The following MDN1 variants were observed in gnomAD, a reference collection of about 807,000 sequenced individuals.
The protein encoded by MDN1 is midasin AAA ATPase 1.
Under a neutral mutation model 669.2 loss-of-function variants are expected in MDN1, and 266 were observed. That is an observed-to-expected ratio of 0.40 (90% CI 0.36 to 0.44). The LOEUF (loss-of-function observed/expected upper bound fraction) is 0.44. Ranked by LOEUF, MDN1 falls within the 20% of genes least tolerant of loss-of-function variation. The pLI is 1.00. For synonymous variants in MDN1, 2,385 were observed against 2,457.1 expected (o/e 0.97, Z 0.87); for missense variants, 5,940 against 6,754.0 (o/e 0.88, Z 4.22).
rs186401779 is a variant in MDN1, at chr6:89,678,026, C to T, written c.12413-330G>A. On this transcript the variant is annotated intron_variant, in intron 75 of 101. Transcript: ENST00000369393. ...CGGTGGCTCACGCCTGTAATCCCAG[C>T]ACTTTGGGAGGCTGAGGCGGGTGGA... Among the ~76,000 whole-genome samples the T allele has an allele frequency of 2.6e-3, 390 of 152,354 alleles. 2 individuals are homozygous for T. Among genetic ancestry groups the T allele is most frequent in the African/African-American group, 8.5e-3 (353 of 41,580 alleles).
chr6:89,777,146 G>T (rs558794562), intron 11 of MDN1, among the ~76,000 whole-genome samples: 2 of 152,274 alleles, frequency 1.3e-5, no homozygotes, highest in South Asian at 4.1e-4. Flanking sequence ...AACTACCAGT[G>T]AGCCAACCAG....
chr6:89,733,222 G>GT (rs576483998), intron 33 of MDN1, among the ~76,000 whole-genome samples: 1 of 151,682 alleles, frequency 6.6e-6, no homozygotes, highest in Admixed American at 6.6e-5. Flanking sequence ...ATGCATTCAA[G>GT]TTTTTTTCTT....
intron 46 of MDN1, among the ~76,000 whole-genome samples, chr6:89,713,614 A>G (rs1814108614): frequency 6.6e-6 from 1 of 152,206 alleles, no homozygotes; most frequent in African/African-American, 2.4e-5. Flanking sequence ...AGTTGAGTGT[A>G]ACCTCATAAA....
intron 1 of MDN1, among the ~76,000 whole-genome samples, chr6:89,809,287 T>C (rs918304735): frequency 6.6e-6 from 1 of 151,004 alleles, no homozygotes; most frequent in Non-Finnish European, 1.5e-5. Context: ...CATAGCTTCA[T>C]ATATATTTAA....
intron 59 of MDN1, among the ~76,000 whole-genome samples, chr6:89,697,897 A>G (rs181905515): frequency 6.6e-5 from 10 of 151,880 alleles, no homozygotes; most frequent in Non-Finnish European, 1.5e-4. Context: ...AATTTTTTTT[A>G]AAAAAAAGCA....
intron 86 of MDN1, 105 bp from the exon 87 acceptor site, chr6:89,662,344 C>T: frequency 8.5e-7 from 1 of 1,174,508 alleles, no homozygotes; most frequent in South Asian, 1.6e-5. Flanking sequence ...TTGGACCTAT[C>T]CCATGGATGG....
In MDN1 at chr6:89,772,652, G is replaced by A; in HGVS notation, c.2004C>T (p.Ser668=). The A allele has an allele frequency of 6.2e-7, 1 of 1,614,132 alleles. No individual in the cohort carries two copies. The change falls in exon 14 of 102, where the codon AGC becomes AGT. Residue 668 remains serine (S), a synonymous_variant. Transcript: ENST00000369393. ...VLIEQLAVCV[S]KGEPVLLVGE... is the part of the protein sequence containing the mutation. ...CCACCAGCAACACAGGCTCCCCTTT[G>A]CTGACACACACTGCAAGCTGCTCGA...
At chr6:89,722,893 C>A in intron 40 of MDN1, 62 bp downstream of exon 40, 5 of 1,434,182 alleles carry the variant, frequency 3.5e-6, no homozygotes, top group Non-Finnish European at 4.8e-6. Context: ...TATGTCCTTT[C>A]TCACCCACAG....
Position 89,750,360 on chromosome 6 carries a change from T to G in MDN1, c.3400A>C (p.Lys1134Gln), listed in dbSNP as rs1816876493. 1 of 1,607,494 alleles carries G rather than the reference T, an allele frequency of 6.2e-7. No individual in the cohort carries two copies. ...AATGGAATCTTAACCCTACCTTCCT[T>G]AAAGACAAGCTTCCCTGAGGAGTCA... ...TSDSSGKLVF[K>Q]EGVLIDAMRK... is the part of the protein sequence containing the mutation. The change falls in exon 24 of 102, where the codon AAG becomes CAG. Residue 1134 changes from lysine to glutamine, a missense_variant. Physicochemically the swap from Lys to Gln is moderately conservative, Grantham distance 53. This residue lies in a region of MDN1 where 2,292 missense variants were observed against 2,638.3 expected (regional missense o/e 0.87). Transcript: ENST00000369393.
chr6:89,700,336 A>G, intron 56 of MDN1, 42 bp from the exon 57 acceptor site: 1 of 1,486,214 alleles, frequency 6.7e-7, no homozygotes, highest in Non-Finnish European at 9.4e-7. Context: ...ACAATGGTTA[A>G]GAGTATAGCC....
At chr6:89,735,807 G>T (rs1198769717) in intron 33 of MDN1, among the ~76,000 whole-genome samples, 1 of 152,074 alleles carries the variant, frequency 6.6e-6, no homozygotes, top group Non-Finnish European at 1.5e-5. Flanking sequence ...GGATCACAAG[G>T]TCAAGAGATC....
intron 1 of MDN1, among the ~76,000 whole-genome samples, chr6:89,805,549 C>A (rs943292861): frequency 2.6e-5 from 4 of 151,958 alleles, no homozygotes; most frequent in Non-Finnish European, 4.4e-5. Flanking sequence ...TGTCTCCCCC[C>A]ACAACAAAAA....
chr6:89,658,203 G>A lies in MDN1; in HGVS notation c.15183+6C>T, dbSNP rs1192694651. 3 of 1,613,928 alleles carry A rather than the reference G, an allele frequency of 1.9e-6. No homozygotes were observed. The highest frequency in any genetic ancestry group is 2.5e-6 in the Non-Finnish European group (3 of 1,179,956). Reference sequence around the variant, plus strand: ...AGCTGGCGGCTGCAGTGAAACCACTGATCACCTCTTTCCCCTGCTCCTTCT... The same window carrying A: ...AGCTGGCGGCTGCAGTGAAACCACTAATCACCTCTTTCCCCTGCTCCTTCT... On this transcript the variant is annotated splice_donor_region_variant and intron_variant, in intron 90 of 101. Coordinates refer to ENST00000369393, the MANE Select transcript of MDN1 (RefSeq NM_014611.3).
Position 89,775,234 on chromosome 6 carries a change from G to A in MDN1, c.1822-501C>T, listed in dbSNP as rs1199336803. Among the ~76,000 whole-genome samples the A allele has an allele frequency of 2.6e-5, 4 of 152,320 alleles. No individual in the cohort carries two copies. In the South Asian group the frequency reaches 6.2e-4, roughly 24 times the overall value. On this transcript the variant is annotated intron_variant, in intron 12 of 101. Transcript: ENST00000369393. ...GATTTTGTTCAGGTTTGGGGCAGAA[G>A]TGAAAGAAGCAAACTGCTCTGGGAA...
Position 89,794,633 on chromosome 6 carries a change from G to C in MDN1, c.498C>G (p.Leu166=), listed in dbSNP as rs1318299832. 1 of 1,613,946 alleles carries C rather than the reference G, an allele frequency of 6.2e-7. No homozygotes were observed. Among genetic ancestry groups the C allele is most frequent in the South Asian group, 1.1e-5 (1 of 91,076 alleles). ...LQQEQSVFRE[L]WDWSVCVPLL... ...GAGGGACACACACACTCCAGTCCCAGAGCTCCCGGAACACAGACTGCTCCT... is the reference window on the plus strand; with the variant it reads ...GAGGGACACACACACTCCAGTCCCACAGCTCCCGGAACACAGACTGCTCCT... The change falls in exon 3 of 102, where the codon CTC becomes CTG. Residue 166 remains leucine (L), a synonymous_variant. Coordinates refer to ENST00000369393, the MANE Select transcript of MDN1 (RefSeq NM_014611.3).
chr6:89,803,671 T>TCC, intron 1 of MDN1, 117 bp from the exon 2 acceptor site: 1 of 753,126 alleles, frequency 1.3e-6, no homozygotes, highest in South Asian at 1.8e-5. Context: ...AAGCTCCACC[T>TCC]CCCGGGTTCA....
rs12110451 is a variant in MDN1 at position 89,772,678 on chromosome 6, T to C, written c.1978A>G (p.Ile660Val). The change falls in exon 14 of 102, where the codon ATC (isoleucine) becomes GTC (valine). Residue 660 changes from isoleucine (I) to valine (V), a missense_variant. This residue lies in a region of MDN1 where 1,203 missense variants were observed against 1,268.9 expected (regional missense o/e 0.95). Transcript: ENST00000369393. ...FAATRPSSVL[I>V]EQLAVCVSKG... ...CTGACACACACTGCAAGCTGCTCGATGAGAACAGAGGACGGCCGTGTAGCA... is the reference window on the plus strand; with the variant it reads ...CTGACACACACTGCAAGCTGCTCGACGAGAACAGAGGACGGCCGTGTAGCA... 281,506 of 1,613,746 alleles carry C rather than the reference T, an allele frequency of 0.17. 25,175 individuals carry two copies. Among genetic ancestry groups the C allele is most frequent in the East Asian group, 0.2 (8,750 of 44,844 alleles).
intron 12 of MDN1, among the ~76,000 whole-genome samples, chr6:89,775,349 G>A (rs1390101672): frequency 6.6e-6 from 1 of 152,178 alleles, no homozygotes; most frequent in Non-Finnish European, 1.5e-5. Flanking sequence ...ATTAACATAT[G>A]TATCATTTAA....
chr6:89,758,830 T>C lies in MDN1; in HGVS notation c.2591A>G (p.Asp864Gly), dbSNP rs1444575694. ...EGSSGSLVLL[D>G]RGDTEPLVRH... is the part of the protein sequence containing the mutation. ...TCAAGTGCTACCTGTGTCTCCTCGA[T>C]CCAGCAACACCAGGGATCCAGAAGA... Residue 864 changes from aspartate to glycine, a missense_variant, in exon 18 of 102, where the codon GAT becomes GGT. This residue lies in a region of MDN1 where 1,203 missense variants were observed against 1,268.9 expected (regional missense o/e 0.95). Transcript: ENST00000369393. 6.2e-7 allele frequency: 1 copy of C among 1,614,132 alleles called. No homozygotes were observed. The highest frequency in any genetic ancestry group is 1.1e-5 in the South Asian group (1 of 91,086).
Sources: allele counts gnomAD v4.1 joint callset (sites outside exome capture counted in the v4.1 genomes callset), GRCh38; gene constraint gnomAD v4.1.1; regional missense constraint gnomAD v4.1.1; transcripts MANE v1.5; gene names NCBI Gene and HGNC (gene_info 2026-07-23, HGNC 2026-07-21).